SCFD2: variants seen among roughly 807,000 people sequenced by gnomAD.
The protein encoded by SCFD2 is sec1 family domain-containing protein 2.
Under a neutral mutation model 58.9 loss-of-function variants are expected in SCFD2, and 54 were observed. The ratio of observed to expected loss-of-function variants is 0.92; its 90% CI spans 0.74 to 1.15. SCFD2 has a LOEUF of 1.15. Ranked by LOEUF, SCFD2 falls within the 50% of genes most tolerant of loss-of-function variation. The pLI, the probability that SCFD2 is intolerant of heterozygous loss-of-function variation, is 0.00. For missense variants in SCFD2, 805 were observed against 836.6 expected (o/e 0.96, Z 0.47); for synonymous variants, 321 against 335.9 (o/e 0.96, Z 0.49).
intron 5 of SCFD2, among the ~76,000 whole-genome samples, chr4:53,112,746 A>G (rs1725208826): frequency 6.6e-6 from 1 of 152,000 alleles, no homozygotes; most frequent in Admixed American, 6.6e-5. Flanking sequence ...TCCTCAAGGG[A>G]TCTTGGAGGA....
chr4:53,230,773 A>G (rs1729412203), intron 4 of SCFD2, among the ~76,000 whole-genome samples: 1 of 152,128 alleles, frequency 6.6e-6, no homozygotes, highest in Non-Finnish European at 1.5e-5. Flanking sequence ...AAGTATAATA[A>G]TAAAATTTAA....
intron 5 of SCFD2, among the ~76,000 whole-genome samples, chr4:53,032,376 A>C (rs1722636536): frequency 6.6e-6 from 1 of 152,228 alleles, no homozygotes; most frequent in South Asian, 2.1e-4. Context: ...AAGAAAATGC[A>C]TCAAGTAATG....
chr4:53,357,332 G>A (rs1248084810), intron 1 of SCFD2, among the ~76,000 whole-genome samples: 1 of 151,974 alleles, frequency 6.6e-6, no homozygotes, highest in Non-Finnish European at 1.5e-5. Context: ...AGGAGGCTGA[G>A]GCACAAGAAT....
At chr4:53,362,781 C>A (rs1385235859) in intron 1 of SCFD2, among the ~76,000 whole-genome samples, 1 of 151,714 alleles carries the variant, frequency 6.6e-6, no homozygotes. Context: ...AAATGATGAT[C>A]TAAGAAAGGG....
At chr4:52,982,387 G>A (rs998983382) in intron 5 of SCFD2, among the ~76,000 whole-genome samples, 14 of 152,120 alleles carry the variant, frequency 9.2e-5, no homozygotes, top group Admixed American at 8.5e-4. Context: ...TGAATGTTGG[G>A]TATAAATAGG....
intron 7 of SCFD2, among the ~76,000 whole-genome samples, chr4:52,887,053 C>T (rs1022584125): frequency 2.6e-5 from 4 of 152,236 alleles, no homozygotes; most frequent in Non-Finnish European, 5.9e-5. Flanking sequence ...CTCCATGAGG[C>T]AAGAGCCTCA....
chr4:53,262,989 C>A (rs566806545), intron 4 of SCFD2, among the ~76,000 whole-genome samples: 1 of 151,926 alleles, frequency 6.6e-6, no homozygotes, highest in Non-Finnish European at 1.5e-5. Flanking sequence ...TGGGTTAATT[C>A]GAAAGCCTTG....
chr4:52,934,354 T>C (rs939992547), intron 5 of SCFD2, among the ~76,000 whole-genome samples: 1 of 152,202 alleles, frequency 6.6e-6, no homozygotes, highest in African/African-American at 2.4e-5. Context: ...GTCTCAGGCC[T>C]GCAACCAGTT....
chr4:52,935,550 T>C (rs978343409), intron 5 of SCFD2, among the ~76,000 whole-genome samples: 2 of 152,194 alleles, frequency 1.3e-5, no homozygotes, highest in African/African-American at 4.8e-5. Context: ...GTTCTACATA[T>C]ACCTTCTGAA....
At chr4:53,259,185 T>C (rs1411181707) in intron 4 of SCFD2, among the ~76,000 whole-genome samples, 1 of 152,254 alleles carries the variant, frequency 6.6e-6, no homozygotes, top group Non-Finnish European at 1.5e-5. Flanking sequence ...TTAACCCTGC[T>C]GATTATTTAT....
intron 4 of SCFD2, among the ~76,000 whole-genome samples, chr4:53,222,533 A>T (rs7673864): frequency 0.54 from 81,738 of 152,000 alleles, 22,203 homozygotes; most frequent in Middle Eastern, 0.62. Flanking sequence ...TTGGTTTATC[A>T]TGATAACTAT....
chr4:53,303,886 G>A (rs1439143406), intron 3 of SCFD2, among the ~76,000 whole-genome samples: 2 of 148,186 alleles, frequency 1.3e-5, no homozygotes, highest in Admixed American at 6.8e-5. Context: ...CTCACTCATA[G>A]GTGAGAATTG....
chr4:52,941,386 T>A (rs565250967), intron 5 of SCFD2, among the ~76,000 whole-genome samples: 40 of 152,226 alleles, frequency 2.6e-4, no homozygotes, highest in Non-Finnish European at 5.1e-4. Flanking sequence ...TGATAGCTTT[T>A]CTGACATTTA....
At chr4:52,927,618 T>C (rs1248029522) in intron 5 of SCFD2, among the ~76,000 whole-genome samples, 1 of 152,262 alleles carries the variant, frequency 6.6e-6, no homozygotes, top group Non-Finnish European at 1.5e-5. Flanking sequence ...TTCATCAGTA[T>C]GTGAGAACAT....
chr4:52,937,269 G>A (rs1193548219), intron 5 of SCFD2, among the ~76,000 whole-genome samples: 1 of 152,226 alleles, frequency 6.6e-6, no homozygotes, highest in Non-Finnish European at 1.5e-5. Context: ...CAAGTGGCTG[G>A]CTGAGGGGTA....
At chr4:53,301,219 G>A (rs560281202) in intron 3 of SCFD2, among the ~76,000 whole-genome samples, 2,423 of 152,032 alleles carry the variant, frequency 0.016, 67 homozygotes, top group African/African-American at 0.055. Flanking sequence ...TAATAAAGAA[G>A]AAAAGAGAGA....
intron 5 of SCFD2, among the ~76,000 whole-genome samples, chr4:53,073,819 A>T (rs1723893991): frequency 6.6e-6 from 1 of 152,186 alleles, no homozygotes; most frequent in Admixed American, 6.6e-5. Context: ...AACAATGTAC[A>T]TACCTTAATT....
chr4:53,359,469 T>C (rs1734490140), intron 1 of SCFD2, among the ~76,000 whole-genome samples: 1 of 152,138 alleles, frequency 6.6e-6, no homozygotes, highest in South Asian at 2.1e-4. Context: ...CTCAGGCCTG[T>C]AATCCCAGCA....
chr4:53,188,592 T>TA (rs888725477), intron 4 of SCFD2, among the ~76,000 whole-genome samples: 1 of 152,128 alleles, frequency 6.6e-6, no homozygotes, highest in Non-Finnish European at 1.5e-5. Flanking sequence ...CATCACTATG[T>TA]AACTAGATTG....
Sources: allele counts gnomAD v4.1 joint callset (sites outside exome capture counted in the v4.1 genomes callset), GRCh38; gene constraint gnomAD v4.1.1; transcripts MANE v1.5; gene names NCBI Gene and HGNC (gene_info 2026-07-23, HGNC 2026-07-21).